Variants in CNTN5 observed in about 807,000 individuals in gnomAD.
CNTN5 encodes contactin 5, also known as contactin-5.
CNTN5 carries 77 observed loss-of-function variants against 129.1 expected under a neutral mutation model. The ratio of observed to expected loss-of-function variants is 0.60; its 90% CI spans 0.50 to 0.72. The LOEUF (loss-of-function observed/expected upper bound fraction) is 0.72, where lower values mean the gene tolerates loss of function less well. CNTN5 is among the 30% of genes least tolerant of loss of function. The pLI is 0.00. For synonymous variants in CNTN5, 509 were observed against 465.6 expected (o/e 1.09, Z -1.20); for missense variants, 1,478 against 1,328.8 (o/e 1.11, Z -1.75).
intron 7 of CNTN5, among the ~76,000 whole-genome samples, chr11:99,938,586 A>C (rs1222462209): frequency 6.6e-6 from 1 of 152,154 alleles, no homozygotes; most frequent in East Asian, 1.9e-4. Context: ...ATTCAATACC[A>C]GTTGAATTAG....
intron 3 of CNTN5, among the ~76,000 whole-genome samples, chr11:99,682,389 A>T (rs1953595337): frequency 1.3e-5 from 2 of 151,986 alleles, no homozygotes; most frequent in African/African-American, 4.8e-5. Flanking sequence ...AATGAAAGCC[A>T]GTTAGTACAA....
chr11:100,138,880 A>C (rs1946607292), intron 13 of CNTN5, among the ~76,000 whole-genome samples: 1 of 152,140 alleles, frequency 6.6e-6, no homozygotes, highest in Non-Finnish European at 1.5e-5. Flanking sequence ...GGGTGGCTTG[A>C]ACCACAATGC....
Position 99,836,824 on chromosome 11 carries a change from T to C in CNTN5, c.278-8028T>C, listed in dbSNP as rs143961981. ...CACCTGTTGTTTCCTGACTTTTTAATGATTGCCATTCTAACTGGTGTGAGA... is the reference window on the plus strand; with the variant it reads ...CACCTGTTGTTTCCTGACTTTTTAACGATTGCCATTCTAACTGGTGTGAGA... On this transcript the variant is annotated intron_variant, in intron 4 of 24. Transcript: ENST00000524871. Among the ~76,000 whole-genome samples the C allele has an allele frequency of 7.5e-3, 1,147 of 152,334 alleles. 21 individuals carry two copies. The highest frequency in any genetic ancestry group is 0.026 in the African/African-American group (1,081 of 41,572).
In CNTN5 at chr11:99,329,100, A is replaced by G. The variant is rs570530313; in HGVS notation, c.-71+3616A>G. ...GATTATTTTCATTATCAGCCTATCC[A>G]TAGGAAATATGTTGGTGCATTAATA... On this transcript the variant is annotated intron_variant, in intron 2 of 24. Coordinates refer to ENST00000524871, the MANE Select transcript of CNTN5 (RefSeq NM_014361.4). Among the ~76,000 whole-genome samples the G allele has an allele frequency of 1.3e-3, 201 of 152,272 alleles. 1 individual carries two copies. The highest frequency in any genetic ancestry group is 2.4e-3 in the Non-Finnish European group (165 of 68,022).
chr11:99,253,029 G>A (rs576592768), intron 1 of CNTN5, among the ~76,000 whole-genome samples: 39 of 149,448 alleles, frequency 2.6e-4, no homozygotes, highest in Non-Finnish European at 5.2e-4. Flanking sequence ...TCATTAATTC[G>A]TGATATGGTT....
chr11:99,117,089 G>A (rs913524809), intron 1 of CNTN5, among the ~76,000 whole-genome samples: 3 of 152,138 alleles, frequency 2.0e-5, no homozygotes, highest in African/African-American at 7.2e-5. Context: ...TATTCCAGAA[G>A]TATGGAGAAG....
rs151040835 is a variant in CNTN5 at position 100,125,295 on chromosome 11, C to T, written c.1580+51001C>T. On this transcript the variant is annotated intron_variant, in intron 13 of 24. Coordinates refer to ENST00000524871, the MANE Select transcript of CNTN5 (RefSeq NM_014361.4). The stretch of plus-strand genomic sequence containing the variant: ...TGTCACCCAGGTACTGAATATAATA[C>T]CCAGTAGCTTTTCAACCTTGGACCT... 8.6e-5 allele frequency among the ~76,000 whole-genome samples: 13 copies of T among 152,032 alleles called. No homozygotes were observed. In the East Asian group the frequency reaches 2.1e-3, roughly 25 times the overall value.
intron 3 of CNTN5, among the ~76,000 whole-genome samples, chr11:99,751,625 T>C (rs987423274): frequency 6.6e-6 from 1 of 152,232 alleles, no homozygotes; most frequent in African/African-American, 2.4e-5. Context: ...CACAGTAATA[T>C]GTCAGATTAT....
chr11:99,760,278 G>C (rs1483326846), intron 3 of CNTN5, among the ~76,000 whole-genome samples: 1 of 152,152 alleles, frequency 6.6e-6, no homozygotes, highest in Non-Finnish European at 1.5e-5. Flanking sequence ...CTGTGTCACA[G>C]AACTGTCACA....
chr11:99,840,967 C>T (rs963471617), intron 4 of CNTN5, among the ~76,000 whole-genome samples: 1 of 152,078 alleles, frequency 6.6e-6, no homozygotes, highest in Non-Finnish European at 1.5e-5. Context: ...AGAAACATCA[C>T]TGATTATCTT....
rs1429001585 is a variant in CNTN5 at position 99,493,054 on chromosome 11, A to G, written c.-70-63091A>G. On this transcript the variant is annotated intron_variant, in intron 2 of 24. Transcript: ENST00000524871. ...GGGGAGAAATGCAGGAGACTGTTTG[A>G]AAGACCTTCCTGCTTCTACTGCTAC... 3.9e-5 allele frequency among the ~76,000 whole-genome samples: 6 copies of G among 152,304 alleles called. No individual in the cohort carries two copies. In the East Asian group the frequency reaches 1.2e-3, roughly 29 times the overall value.
At chr11:99,343,079 A>G (rs1866595678) in intron 2 of CNTN5, among the ~76,000 whole-genome samples, 2 of 152,194 alleles carry the variant, frequency 1.3e-5, no homozygotes, top group Non-Finnish European at 1.5e-5. Context: ...AGGATGCTGC[A>G]GTGTCATTGT....
chr11:99,775,335 T>C (rs1945086792), intron 3 of CNTN5, among the ~76,000 whole-genome samples: 1 of 142,190 alleles, frequency 7.0e-6, no homozygotes, highest in African/African-American at 2.6e-5. Flanking sequence ...ATATAAAACC[T>C]CTGAGATGCA....
chr11:99,790,951 G>A (rs1476343485), intron 3 of CNTN5, among the ~76,000 whole-genome samples: 1 of 152,018 alleles, frequency 6.6e-6, no homozygotes, highest in African/African-American at 2.4e-5. Flanking sequence ...CCACATATAT[G>A]TCTTCTTTTG....
At chr11:99,656,924 C>G (rs1952390619) in intron 3 of CNTN5, among the ~76,000 whole-genome samples, 1 of 136,828 alleles carries the variant, frequency 7.3e-6, no homozygotes, top group Admixed American at 8.2e-5. Flanking sequence ...AGTTCAGTAT[C>G]TAATTTAACC....
At chr11:99,628,670 T>C (rs929526555) in intron 3 of CNTN5, among the ~76,000 whole-genome samples, 1 of 146,748 alleles carries the variant, frequency 6.8e-6, no homozygotes, top group African/African-American at 2.5e-5. Context: ...ATAAATAATA[T>C]TTATCAACAT....
intron 1 of CNTN5, among the ~76,000 whole-genome samples, chr11:99,027,020 A>G (rs1256245542): frequency 6.6e-6 from 1 of 151,594 alleles, no homozygotes; most frequent in East Asian, 1.9e-4. Flanking sequence ...ACCAACAACT[A>G]CAGAACTTAA....
intron 1 of CNTN5, among the ~76,000 whole-genome samples, chr11:99,164,830 T>A (rs975827975): frequency 6.6e-6 from 1 of 152,208 alleles, no homozygotes; most frequent in East Asian, 1.9e-4. Context: ...ATATTGTATG[T>A]TTGGTACACA....
chr11:99,976,643 G>T (rs766891976), intron 8 of CNTN5, among the ~76,000 whole-genome samples: 1 of 152,160 alleles, frequency 6.6e-6, no homozygotes, highest in Non-Finnish European at 1.5e-5. Context: ...ATCTTAGCCC[G>T]TTTTAGCCAT....
Sources: gnomAD v4.1 joint callset for allele counts (sites outside exome capture counted in the v4.1 genomes callset) on GRCh38, gnomAD v4.1.1 for gene constraint, MANE v1.5 for transcripts, NCBI Gene and HGNC (gene_info 2026-07-23, HGNC 2026-07-21) for gene names.